The following THADA variants were observed in gnomAD, a reference collection of about 807,000 sequenced individuals.
THADA encodes the protein THADA armadillo repeat containing.
THADA carries 213 observed loss-of-function variants against 219.8 expected under a neutral mutation model. The ratio of observed to expected loss-of-function variants is 0.97; its 90% CI spans 0.87 to 1.09. THADA has a LOEUF of 1.09. Among genes scored for constraint, THADA ranks in the 50% least tolerant of loss-of-function variants. The probability of loss-of-function intolerance (pLI) is 0.00; values close to 1 mark genes in which losing one functional copy is unlikely to be tolerated. For synonymous variants in THADA, 1,018 were observed against 828.9 expected, an observed-to-expected ratio of 1.23 and a Z score of -3.92; for missense variants, 2,956 against 2,311.3, an observed-to-expected ratio of 1.28 and a Z score of -5.72.
chr2:43,284,033 G>C (rs1030837557), intron 35 of THADA, among the ~76,000 whole-genome samples: 1 of 152,206 alleles, frequency 6.6e-6, no homozygotes, highest in Non-Finnish European at 1.5e-5. Context: ...ACAAAAATTA[G>C]CCAGGCATGG....
rs1209572543 is a variant in THADA, at chr2:43,232,837, G to A, written c.5342C>T (p.Ala1781Val). The part of the protein sequence containing the change: ...QVDASIALAL[A>V]LAVLCDLLQQ... ...GAGCAGATCACACAGGACGGCCAGG[G>A]CCAGGGCCAGAGCGATGGAGGCATC... Residue 1781 changes from alanine (A) to valine (V), a missense_variant, in exon 37 of 38, where the codon GCC becomes GTC. Transcript: ENST00000405975. 3 of 1,612,266 alleles carry A rather than the reference G, an allele frequency of 1.9e-6. No individual in the cohort carries two copies. The highest frequency in any genetic ancestry group is 1.7e-5 in the Admixed American group (1 of 59,732).
intron 31 of THADA, among the ~76,000 whole-genome samples, chr2:43,294,927 G>A (rs1675187563): frequency 6.6e-6 from 1 of 152,170 alleles, no homozygotes; most frequent in Non-Finnish European, 1.5e-5. Context: ...GTACCTCCCA[G>A]CACCCAGTTC....
intron 28 of THADA, among the ~76,000 whole-genome samples, chr2:43,413,683 A>C (rs913243041): frequency 6.6e-6 from 1 of 152,200 alleles, no homozygotes; most frequent in Non-Finnish European, 1.5e-5. Flanking sequence ...CATTTTCAAG[A>C]CAGAAAGGGC....
At chr2:43,310,061 A>G (rs1677311333) in intron 31 of THADA, among the ~76,000 whole-genome samples, 1 of 152,212 alleles carries the variant, frequency 6.6e-6, no homozygotes, top group Non-Finnish European at 1.5e-5. Flanking sequence ...GAAATAAATT[A>G]AAGAGACCTA....
intron 30 of THADA, among the ~76,000 whole-genome samples, chr2:43,340,630 T>C (rs765752191): frequency 1.1e-4 from 16 of 152,212 alleles, no homozygotes; most frequent in Non-Finnish European, 2.2e-4. Context: ...ATTTTTTTCT[T>C]TGCAAAAACA....
At chr2:43,390,222 A>G (rs1176568121) in intron 29 of THADA, among the ~76,000 whole-genome samples, 1 of 152,216 alleles carries the variant, frequency 6.6e-6, no homozygotes, top group Admixed American at 6.5e-5. Context: ...AAAGGGTTTC[A>G]GAGTCCCCAG....
chr2:43,336,191 C>T (rs1176531967), intron 30 of THADA, among the ~76,000 whole-genome samples: 1 of 152,038 alleles, frequency 6.6e-6, no homozygotes, highest in Non-Finnish European at 1.5e-5. Flanking sequence ...CCCAGGAGTT[C>T]AAGGCTGCAC....
At chr2:43,494,230 G>C (rs1687992121) in intron 25 of THADA, among the ~76,000 whole-genome samples, 1 of 152,206 alleles carries the variant, frequency 6.6e-6, no homozygotes, top group Non-Finnish European at 1.5e-5. Flanking sequence ...GTTTCACATG[G>C]TCTGGCTAGA....
chr2:43,411,821 G>T (rs1444707967), intron 28 of THADA, among the ~76,000 whole-genome samples: 1 of 152,166 alleles, frequency 6.6e-6, no homozygotes, highest in African/African-American at 2.4e-5. Context: ...TACAGCTGAA[G>T]CCCTCTAGCA....
chr2:43,265,930 AACACACACACACACACACACACACACAC>A lies in THADA; in HGVS notation c.5296+13807_5296+13834del, dbSNP rs56173099. ...TAATCCGATTTTTTTTTACTTTTGA[AACACACACACACACACACACACACACAC>A]ACACACACACACACACACACACACA... is the stretch of plus-strand genomic sequence containing the variant. On this transcript the variant is annotated intron_variant, in intron 36 of 37. Transcript: ENST00000405975. Among the ~76,000 whole-genome samples, 192 of 124,794 alleles carry A rather than the reference AACACACACACACACACACACACACACAC, an allele frequency of 1.5e-3. 2 individuals carry two copies. Among genetic ancestry groups the A allele is most frequent in the African/African-American group, 5.0e-3 (163 of 32,920 alleles). The allele number at this position is 124,794 out of a possible 152,430, so 81.9% of individuals were successfully genotyped here.
In THADA at chr2:43,504,102, T is replaced by C. The variant is rs72865275; in HGVS notation, c.3621+1520A>G. On this transcript the variant is annotated intron_variant, in intron 24 of 37. Transcript: ENST00000405975. ...AAAAAACTGAACTCTGAAACACTTC[T>C]GGTCCCCAGCATTTCAGATAAAAGA... Among the ~76,000 whole-genome samples, 1,357 of 152,300 alleles carry C rather than the reference T, an allele frequency of 8.9e-3. 21 individuals carry two copies. The highest frequency in any genetic ancestry group is 0.031 in the African/African-American group (1,299 of 41,570).
At position 43,230,925 on chromosome 2, in the gene THADA, C is replaced by A; in HGVS notation, c.*23G>T. 6.3e-7 allele frequency: 1 copy of A among 1,586,838 alleles called. No homozygotes were observed. Among genetic ancestry groups the A allele is most frequent in the Non-Finnish European group, 8.6e-7 (1 of 1,163,120 alleles). Reference sequence around the variant, plus strand: ...TGGAGGAAAAATCCACACATACCCCCATCCCAATCCCCCAGATTTTCTTCA... The same window carrying A: ...TGGAGGAAAAATCCACACATACCCCAATCCCAATCCCCCAGATTTTCTTCA... On this transcript the variant is annotated 3_prime_UTR_variant, in exon 38 of 38. Transcript: ENST00000405975.
At chr2:43,412,922 T>A (rs1676472772) in intron 28 of THADA, among the ~76,000 whole-genome samples, 1 of 152,194 alleles carries the variant, frequency 6.6e-6, no homozygotes, top group East Asian at 1.9e-4. Context: ...AATTTAAATA[T>A]GTGCAAGTTA....
intron 21 of THADA, among the ~76,000 whole-genome samples, chr2:43,535,668 C>A (rs1479276198): frequency 1.2e-4 from 12 of 101,662 alleles, no homozygotes; most frequent in Non-Finnish European, 1.8e-4. Flanking sequence ...GGCGACACAG[C>A]GAGACTCAAA....
At chr2:43,557,059 G>C (rs886451865) in intron 16 of THADA, among the ~76,000 whole-genome samples, 2 of 152,078 alleles carry the variant, frequency 1.3e-5, no homozygotes, top group Admixed American at 1.3e-4. Flanking sequence ...CTCCAGCCTA[G>C]GCAATAGAGT....
chr2:43,573,644 T>A (rs1161387014), intron 11 of THADA, among the ~76,000 whole-genome samples: 1 of 152,246 alleles, frequency 6.6e-6, no homozygotes, highest in African/African-American at 2.4e-5. Context: ...ACCTCATGGT[T>A]ACTCTTTGAA....
rs141452246 is a variant in THADA, at chr2:43,306,887, A to G, written c.4438+13559T>C. 3.1e-4 allele frequency among the ~76,000 whole-genome samples: 47 copies of G among 152,322 alleles called. No individual in the cohort carries two copies. The East Asian group carries it at 6.6e-3, about 21-fold the overall frequency. ...CTTGCTATCAGTTTTATCTCTTGAT[A>G]GCTGCTGTTCTCCCAATGTTGGCTT... On this transcript the variant is annotated intron_variant, in intron 31 of 37. Coordinates refer to ENST00000405975, the MANE Select transcript of THADA (RefSeq NM_022065.5).
chr2:43,477,268 G>GGAAGA (rs146275688), intron 26 of THADA, among the ~76,000 whole-genome samples: 177 of 152,040 alleles, frequency 1.2e-3, no homozygotes, highest in African/African-American at 4.1e-3. Flanking sequence ...GAGAGAGAAG[G>GGAAGA]GAAGAGAGAG....
At chr2:43,304,742 G>A (rs1676657970) in intron 31 of THADA, among the ~76,000 whole-genome samples, 1 of 151,442 alleles carries the variant, frequency 6.6e-6, no homozygotes, top group Admixed American at 6.6e-5. Context: ...TGCAATCTCG[G>A]CTCACCGCAA....
Sources: allele counts gnomAD v4.1 joint callset (sites outside exome capture counted in the v4.1 genomes callset), GRCh38; gene constraint gnomAD v4.1.1; transcripts MANE v1.5; gene names NCBI Gene and HGNC (gene_info 2026-07-23, HGNC 2026-07-21).